TMEM244: variants seen among roughly 807,000 people sequenced by gnomAD.
The protein encoded by TMEM244 is transmembrane protein 244.
TMEM244 carries 13 observed loss-of-function variants against 15.8 expected under a neutral mutation model. The ratio of observed to expected loss-of-function variants is 0.82; its 90% confidence interval spans 0.53 to 1.30. The LOEUF is 1.30. Among genes scored for constraint, TMEM244 ranks in the 50% most tolerant of loss-of-function variants. The probability of loss-of-function intolerance (pLI) is 0.00; values close to 1 mark genes in which losing one functional copy is unlikely to be tolerated. For synonymous variants in TMEM244, 45 were observed against 48.7 expected (o/e 0.92, Z 0.32); for missense variants, 161 against 144.9 (o/e 1.11, Z -0.57).
intron 3 of TMEM244, among the ~76,000 whole-genome samples, chr6:129,839,559 A>G (rs568248615): frequency 7.9e-5 from 12 of 152,268 alleles, no homozygotes; most frequent in Non-Finnish European, 1.5e-4. Context: ...ATTCAACATA[A>G]TGTTGGAAGT....
chr6:129,841,542 C>A (rs917772292), intron 3 of TMEM244, among the ~76,000 whole-genome samples: 3 of 151,618 alleles, frequency 2.0e-5, no homozygotes, highest in African/African-American at 7.3e-5. Flanking sequence ...CACATTGTGC[C>A]CATGTACCCT....
At chr6:129,839,267 G>T (rs958597235) in intron 3 of TMEM244, among the ~76,000 whole-genome samples, 1 of 152,154 alleles carries the variant, frequency 6.6e-6, no homozygotes, top group African/African-American at 2.4e-5. Flanking sequence ...TGCAAGGCTG[G>T]TTCAACATAT....
intron 3 of TMEM244, among the ~76,000 whole-genome samples, chr6:129,834,585 C>T (rs572110592): frequency 2.7e-4 from 41 of 152,278 alleles, no homozygotes; most frequent in African/African-American, 6.7e-4. Flanking sequence ...AGTCGGTAAG[C>T]GAGACACCAA....
intron 1 of TMEM244, among the ~76,000 whole-genome samples, chr6:129,848,998 C>T (rs1776599999): frequency 6.6e-6 from 1 of 152,012 alleles, no homozygotes; most frequent in Admixed American, 6.6e-5. Context: ...CATTCACTTA[C>T]TATAAAATTT....
chr6:129,857,944 T>A (rs1427633009), intron 1 of TMEM244, among the ~76,000 whole-genome samples: 1 of 151,902 alleles, frequency 6.6e-6, no homozygotes, highest in African/African-American at 2.4e-5. Context: ...TGCCAATTTT[T>A]GTCAAAGGCA....
At chr6:129,837,895 A>T (rs533550559) in intron 3 of TMEM244, among the ~76,000 whole-genome samples, 1 of 152,232 alleles carries the variant, frequency 6.6e-6, no homozygotes, top group Non-Finnish European at 1.5e-5. Flanking sequence ...ATATGCACAC[A>T]ATATAGGAGC....
At chr6:129,846,842 T>C (rs1256908744) in intron 1 of TMEM244, among the ~76,000 whole-genome samples, 1 of 152,140 alleles carries the variant, frequency 6.6e-6, no homozygotes, top group East Asian at 1.9e-4. Context: ...GGCCCTGAAA[T>C]GTACTCTTCC....
chr6:129,861,221 C>A lies in TMEM244; in HGVS notation c.-33G>T, dbSNP rs753362836. ...TCCTACGTCAAGGAGGTGATGAAAG[C>A]CCCACTCCTTATAGCGATGACATCT... On this transcript the variant is annotated 5_prime_UTR_variant, in exon 1 of 5. Coordinates refer to ENST00000368143, the MANE Select transcript of TMEM244 (RefSeq NM_001010876.2). 1.2e-6 allele frequency: 2 copies of A among 1,612,448 alleles called. No individual in the cohort carries two copies. The highest frequency in any genetic ancestry group is 1.7e-6 in the Non-Finnish European group (2 of 1,178,778).
At position 129,843,575 on chromosome 6, in the gene TMEM244, A is replaced by G. The variant is rs779881033; in HGVS notation, c.148T>C (p.Phe50Leu). 17 of 1,612,560 alleles carry G rather than the reference A, an allele frequency of 1.1e-5. No individual in the cohort carries two copies. Among genetic ancestry groups the G allele is most frequent in the Middle Eastern group, 1.7e-4 (1 of 6,048 alleles). Residue 50 changes from phenylalanine to leucine, a missense_variant, in exon 3 of 5, where the codon TTT (phenylalanine) becomes CTT (leucine). Physicochemically the swap from Phe to Leu is conservative, Grantham distance 22. Transcript: ENST00000368143. ...CATGAGGGATTTGTTTTGAAATCAA[A>G]TGGAGCCAGGACATTCAACTCATGC... ...EVHELNVLAP[F>L]DFKTNPSWLN...
chr6:129,833,509 C>T lies in TMEM244; in HGVS notation c.270G>A (p.Trp90Ter). ...FFVPVVEEWVWDYAISVTILH... is the reference protein window; with the variant it reads ...FFVPVVEEWV ...GAATAGTGACTGAAATAGCATAATC[C>T]CAAACCCATTCTTCCACAACTGGAA... Residue 90 changes from tryptophan (W) to a stop codon, truncating the protein, a stop_gained, in exon 4 of 5, where the codon TGG (tryptophan) becomes TGA (stop). Transcript: ENST00000368143. LOFTEE classifies it high-confidence loss of function. 6.2e-7 allele frequency: 1 copy of T among 1,613,172 alleles called. No individual in the cohort carries two copies. Among genetic ancestry groups the T allele is most frequent in the East Asian group, 2.2e-5 (1 of 44,742 alleles).
Position 129,834,579 on chromosome 6 carries a change from G to A in TMEM244, c.194-994C>T, listed in dbSNP as rs890821652. On this transcript the variant is annotated intron_variant, in intron 3 of 4. Transcript: ENST00000368143. ...ATCCAGCAAGCCAGTGATTGCAGTC[G>A]GTAAGCGAGACACCAAGGAAGCATG... 2.0e-5 allele frequency among the ~76,000 whole-genome samples: 3 copies of A among 152,142 alleles called. No homozygotes were observed. In the South Asian group the frequency reaches 6.2e-4, roughly 32 times the overall value.
At chr6:129,843,811 C>T (rs2114638966) in intron 2 of TMEM244, among the ~76,000 whole-genome samples, 1 of 152,298 alleles carries the variant, frequency 6.6e-6, no homozygotes, top group South Asian at 2.1e-4. Flanking sequence ...AAACATCTCA[C>T]TCTTCTTGCT....
At chr6:129,842,749 A>C (rs971678881) in intron 3 of TMEM244, among the ~76,000 whole-genome samples, 1 of 151,792 alleles carries the variant, frequency 6.6e-6, no homozygotes, top group African/African-American at 2.4e-5. Flanking sequence ...CTAAGCTTTC[A>C]TTAATTAATA....
rs558109789 is a variant in TMEM244 at position 129,833,707 on chromosome 6, T to C, written c.194-122A>G. The stretch of plus-strand genomic sequence containing the variant: ...TAAATTTTGGTAAGAATTTTTTAAA[T>C]GTTCCATTTCCTAACAATCCTCAAA... On this transcript the variant is annotated intron_variant, in intron 3 of 4. Coordinates refer to ENST00000368143, the MANE Select transcript of TMEM244 (RefSeq NM_001010876.2). 16 of 979,240 alleles carry C rather than the reference T, an allele frequency of 1.6e-5. No homozygotes were observed. In the Admixed American group the frequency reaches 3.5e-4, roughly 21 times the overall value. The allele number at this position is 979,240 out of a possible 1,614,324, so 60.7% of individuals were successfully genotyped here.
At position 129,843,452 on chromosome 6, in the gene TMEM244, A is replaced by T. The variant is rs948993989; in HGVS notation, c.193+78T>A. 1.4e-5 allele frequency: 14 copies of T among 1,015,802 alleles called. No individual in the cohort carries two copies. The East Asian group carries it at 2.3e-4, about 16-fold the overall frequency. The allele number at this position is 1,015,802 out of a possible 1,614,324, so 62.9% of individuals were successfully genotyped here. On this transcript the variant is annotated intron_variant, in intron 3 of 4. Coordinates refer to ENST00000368143, the MANE Select transcript of TMEM244 (RefSeq NM_001010876.2). ...CTGCGAGACAGGCCTGATATTTAAAATTTTTTTATTAAAAAATTTATGGGG... is the reference window on the plus strand; with the variant it reads ...CTGCGAGACAGGCCTGATATTTAAATTTTTTTTATTAAAAAATTTATGGGG...
chr6:129,859,025 C>A (rs1206408797), intron 1 of TMEM244, among the ~76,000 whole-genome samples: 1 of 151,968 alleles, frequency 6.6e-6, no homozygotes, highest in Non-Finnish European at 1.5e-5. Flanking sequence ...GAACTCCTGA[C>A]CTAAAGTGAT....
At chr6:129,848,440 C>T (rs1399754463) in intron 1 of TMEM244, among the ~76,000 whole-genome samples, 1 of 152,294 alleles carries the variant, frequency 6.6e-6, no homozygotes, top group Non-Finnish European at 1.5e-5. Context: ...CTTCCGGGGA[C>T]AGGCACCTAC....
chr6:129,844,457 A>G (rs181817615), intron 2 of TMEM244, among the ~76,000 whole-genome samples: 2 of 152,288 alleles, frequency 1.3e-5, no homozygotes, highest in Admixed American at 1.3e-4. Context: ...CTGGGCTCAA[A>G]TTTCCTACCT....
intron 1 of TMEM244, among the ~76,000 whole-genome samples, chr6:129,847,317 A>C (rs1044771706): frequency 6.6e-6 from 1 of 152,126 alleles, no homozygotes; most frequent in African/African-American, 2.4e-5. Context: ...TAGAATCTTA[A>C]AGCCATTTTT....
Sources: gnomAD v4.1 joint callset for allele counts (sites outside exome capture counted in the v4.1 genomes callset) on GRCh38, gnomAD v4.1.1 for gene constraint, MANE v1.5 for transcripts, NCBI Gene and HGNC (gene_info 2026-07-23, HGNC 2026-07-21) for gene names.